The following ADAMTS14 variants were observed in gnomAD, a reference collection of about 807,000 sequenced individuals.
ADAMTS14 encodes the protein A disintegrin and metalloproteinase with thrombospondin motifs 14.
In ADAMTS14, 100 loss-of-function variants were observed where a neutral mutation model predicts 128.6. The ratio of observed to expected loss-of-function variants is 0.78; its 90% CI spans 0.66 to 0.92. The LOEUF is 0.92. Among genes scored for constraint, ADAMTS14 ranks in the 40% least tolerant of loss-of-function variants. The pLI is 0.00. For synonymous variants in ADAMTS14, 665 were observed against 653.8 expected, an observed-to-expected ratio of 1.02 and a Z score of -0.26; for missense variants, 1,562 against 1,658.6, an observed-to-expected ratio of 0.94 and a Z score of 1.01.
At chr10:70,704,380 ACACTCACAAACACAGACCCATATACCCG>A (rs986165141) in intron 3 of ADAMTS14, among the ~76,000 whole-genome samples, 2 of 151,822 alleles carry the variant, frequency 1.3e-5, no homozygotes, top group African/African-American at 4.8e-5. Context: ...ACTGACACCC[ACACTCACAAACACAGACCCATATACCCG>A]CACTCACCCT....
intron 15 of ADAMTS14, among the ~76,000 whole-genome samples, chr10:70,748,729 AG>A (rs1180363133): frequency 6.8e-6 from 1 of 146,110 alleles, no homozygotes; most frequent in Non-Finnish European, 1.5e-5. Context: ...GCACATAGTT[AG>A]TGTTCTCGGA....
At chr10:70,738,695 C>G in intron 10 of ADAMTS14, 147 bp from the exon 11 acceptor site, 1 of 1,069,866 alleles carries the variant, frequency 9.3e-7, no homozygotes, top group Non-Finnish European at 1.3e-6. Context: ...GAAAGGCAAG[C>G]CTTTTGTTTA....
At chr10:70,743,469 G>T in intron 12 of ADAMTS14, 79 bp from the exon 13 acceptor site, 1 of 1,493,894 alleles carries the variant, frequency 6.7e-7, no homozygotes, top group Non-Finnish European at 8.9e-7. Flanking sequence ...GAGCTTTCTG[G>T]CTGGACCACA....
chr10:70,687,970 C>A (rs866850005), intron 2 of ADAMTS14, among the ~76,000 whole-genome samples: 2 of 65,708 alleles, frequency 3.0e-5, no homozygotes, highest in Non-Finnish European at 3.1e-5. Flanking sequence ...GGCTGACCCC[C>A]CCCCCGACCT....
chr10:70,745,845 G>A (rs906958826), intron 15 of ADAMTS14, among the ~76,000 whole-genome samples: 22 of 152,130 alleles, frequency 1.4e-4, no homozygotes, highest in African/African-American at 4.8e-4. Flanking sequence ...GGATGGCCTC[G>A]CTCACATGTC....
intron 2 of ADAMTS14, among the ~76,000 whole-genome samples, chr10:70,700,384 C>A (rs1840458311): frequency 6.6e-6 from 1 of 152,262 alleles, no homozygotes; most frequent in African/African-American, 2.4e-5. Flanking sequence ...CTCCCTTCTG[C>A]CTGCTGTGGA....
chr10:70,732,999 T>A (rs1041342430), intron 7 of ADAMTS14, among the ~76,000 whole-genome samples: 3 of 152,178 alleles, frequency 2.0e-5, no homozygotes, highest in Non-Finnish European at 4.4e-5. Flanking sequence ...AGAGGCTACA[T>A]GCTGGGTGGA....
intron 18 of ADAMTS14, 62 bp downstream of exon 18, chr10:70,752,289 C>A: frequency 1.9e-6 from 3 of 1,588,130 alleles, no homozygotes; most frequent in Non-Finnish European, 2.6e-6. Flanking sequence ...CCCCAGGCAG[C>A]GGGGCTGCTG....
intron 16 of ADAMTS14, among the ~76,000 whole-genome samples, chr10:70,750,997 T>G (rs1361146366): frequency 6.6e-6 from 1 of 152,150 alleles, no homozygotes; most frequent in East Asian, 1.9e-4. Context: ...AAATTGGACT[T>G]CATCAAGATT....
At chr10:70,721,191 A>AT in intron 4 of ADAMTS14, among the ~76,000 whole-genome samples, 1 of 150,510 alleles carries the variant, frequency 6.6e-6, no homozygotes, top group African/African-American at 2.4e-5. Flanking sequence ...TGCCTGGCTA[A>AT]TTTTTCTATT....
chr10:70,713,192 G>A (rs1564533503), intron 4 of ADAMTS14, among the ~76,000 whole-genome samples: 1 of 152,164 alleles, frequency 6.6e-6, no homozygotes, highest in Non-Finnish European at 1.5e-5. Context: ...CTGAGGTGTC[G>A]GCAGGTTCTG....
chr10:70,743,485 A>T, intron 12 of ADAMTS14, 63 bp from the exon 13 acceptor site: 1 of 1,545,292 alleles, frequency 6.5e-7, no homozygotes, highest in Non-Finnish European at 8.7e-7. Context: ...CCACATACTG[A>T]TCTGTCCTGG....
intron 2 of ADAMTS14, among the ~76,000 whole-genome samples, chr10:70,693,024 G>A (rs1331077032): frequency 1.3e-5 from 2 of 152,204 alleles, no homozygotes; most frequent in African/African-American, 4.8e-5. Flanking sequence ...GAGAGCCTCA[G>A]GAAGTTTGCA....
At chr10:70,741,288 A>G (rs972965620) in intron 12 of ADAMTS14, 126 bp downstream of exon 12, 21 of 1,182,112 alleles carry the variant, frequency 1.8e-5, no homozygotes, top group Middle Eastern at 2.9e-4. Flanking sequence ...GGGTGCCAAA[A>G]GGGACACTGA....
chr10:70,701,333 G>A (rs762574543), intron 2 of ADAMTS14, among the ~76,000 whole-genome samples: 2 of 152,238 alleles, frequency 1.3e-5, no homozygotes, highest in African/African-American at 2.4e-5. Flanking sequence ...TCACAGCTGC[G>A]CTCCCAGTCC....
chr10:70,729,317 G>C lies in ADAMTS14; in HGVS notation c.894G>C (p.Glu298Asp). The change falls in exon 5 of 22, where the codon GAG becomes GAC. Residue 298 changes from glutamate (E) to aspartate (D), a missense_variant. Glu to Asp is a conservative substitution (Grantham distance 45). Coordinates refer to ENST00000373207, the MANE Select transcript of ADAMTS14 (RefSeq NM_080722.4). ...MNIVDEIYHD[E>D]SLGVHINIAL... The stretch of plus-strand genomic sequence containing the variant: ...AGGTAGATGAGATTTACCACGATGA[G>C]TCCCTGGGGGTTCATATAAATATTG... The C allele has an allele frequency of 6.2e-7, 1 of 1,613,940 alleles. No individual in the cohort carries two copies. Among genetic ancestry groups the C allele is most frequent in the Non-Finnish European group, 8.5e-7 (1 of 1,179,932 alleles).
rs764824205 is a variant in ADAMTS14 at position 70,758,038 on chromosome 10, G to A, written c.3014G>A (p.Cys1005Tyr). 6.2e-7 allele frequency: 1 copy of A among 1,613,744 alleles called. No homozygotes were observed. Among genetic ancestry groups the A allele is most frequent in the Non-Finnish European group, 8.5e-7 (1 of 1,179,926 alleles). The change falls in exon 20 of 22, where the codon TGC (cysteine) becomes TAC (tyrosine). Residue 1005 changes from cysteine to tyrosine, a missense_variant. Physicochemically the swap from Cys to Tyr is radical, Grantham distance 194. Coordinates refer to ENST00000373207, the MANE Select transcript of ADAMTS14 (RefSeq NM_080722.4). The stretch of plus-strand genomic sequence containing the variant: ...ACCAACGCCAACAGCCTCGGGCATT[G>A]CGAGGGGGATAGGCCAGACACTGTC... Reference protein sequence around the residue: ...CRTNANSLGHCEGDRPDTVQV... With the variant: ...CRTNANSLGHYEGDRPDTVQV...
rs555341459 is a variant in ADAMTS14, at chr10:70,749,682, G to A, written c.2264-140G>A. The stretch of plus-strand genomic sequence containing the variant: ...GGGAGCGTGTTGACCTGTCTGACTC[G>A]GGAGGGCTTGGGTGGGAAGGAAAGG... On this transcript the variant is annotated intron_variant, in intron 15 of 21. Coordinates refer to ENST00000373207, the MANE Select transcript of ADAMTS14 (RefSeq NM_080722.4). The A allele has an allele frequency of 1.0e-3, 1,036 of 1,010,264 alleles. 19 individuals carry two copies. In the South Asian group the frequency reaches 0.015, roughly 14 times the overall value. The allele number at this position is 1,010,264 out of a possible 1,614,324, so 62.6% of individuals were successfully genotyped here.
chr10:70,747,764 G>A (rs1043068323), intron 15 of ADAMTS14, among the ~76,000 whole-genome samples: 1 of 152,208 alleles, frequency 6.6e-6, no homozygotes, highest in African/African-American at 2.4e-5. Context: ...TGGGGAGAGC[G>A]AAGCAGTGGC....
Sources: gnomAD v4.1 joint callset for allele counts (sites outside exome capture counted in the v4.1 genomes callset) on GRCh38, gnomAD v4.1.1 for gene constraint, MANE v1.5 for transcripts, NCBI Gene and HGNC (gene_info 2026-07-23, HGNC 2026-07-21) for gene names.